Variants in CCDC158 observed in about 807,000 individuals in gnomAD.
The protein encoded by CCDC158 is coiled-coil domain containing 158.
A neutral mutation model predicts 138.6 loss-of-function variants in CCDC158; 116 were observed. The ratio of observed to expected loss-of-function variants is 0.84; its 90% confidence interval spans 0.72 to 0.98. The LOEUF (loss-of-function observed/expected upper bound fraction) is 0.98. Ranked by LOEUF, CCDC158 falls within the 50% of genes least tolerant of loss-of-function variation. The pLI, the probability that CCDC158 is intolerant of heterozygous loss-of-function variation, is 0.00. For synonymous variants in CCDC158, 436 were observed against 442.4 expected, an observed-to-expected ratio of 0.99 and a Z score of 0.18; for missense variants, 1,265 against 1,306.1, an observed-to-expected ratio of 0.97 and a Z score of 0.48.
chr4:76,391,000 T>C (rs965551346), intron 4 of CCDC158, among the ~76,000 whole-genome samples: 2 of 151,782 alleles, frequency 1.3e-5, no homozygotes, highest in Admixed American at 6.6e-5. Flanking sequence ...TTATCAGAAA[T>C]AAAAGAGAGA....
chr4:76,348,669 AG>A (rs1722791054), intron 18 of CCDC158, among the ~76,000 whole-genome samples: 1 of 152,218 alleles, frequency 6.6e-6, no homozygotes, highest in Non-Finnish European at 1.5e-5. Context: ...ATGGAAATCT[AG>A]TACTAAATAC....
At chr4:76,372,793 T>G (rs899935553) in intron 9 of CCDC158, among the ~76,000 whole-genome samples, 5 of 152,200 alleles carry the variant, frequency 3.3e-5, no homozygotes, top group African/African-American at 9.7e-5. Flanking sequence ...TTGATCTGTT[T>G]GAATATGCAT....
intron 24 of CCDC158, among the ~76,000 whole-genome samples, chr4:76,320,521 A>G (rs947851635): frequency 6.6e-6 from 1 of 152,222 alleles, no homozygotes; most frequent in African/African-American, 2.4e-5. Context: ...TGGAGGCATC[A>G]CATTACTTGA....
chr4:76,377,261 T>C (rs1047972125), intron 9 of CCDC158, among the ~76,000 whole-genome samples: 2 of 152,232 alleles, frequency 1.3e-5, no homozygotes, highest in African/African-American at 2.4e-5. Flanking sequence ...TTACCAATCA[T>C]GTAAGAAACC....
At chr4:76,386,165 G>A (rs753999551) in intron 4 of CCDC158, among the ~76,000 whole-genome samples, 10 of 152,108 alleles carry the variant, frequency 6.6e-5, no homozygotes, top group South Asian at 2.1e-4. Flanking sequence ...GCAAGATGGC[G>A]GAATAGAAGC....
intron 3 of CCDC158, among the ~76,000 whole-genome samples, chr4:76,398,770 G>A (rs1326224604): frequency 6.6e-6 from 1 of 151,752 alleles, no homozygotes; most frequent in African/African-American, 2.4e-5. Flanking sequence ...TCTAGAATGG[G>A]GACATTCTAT....
intron 12 of CCDC158, 69 bp from the exon 13 acceptor site, chr4:76,362,384 G>T: frequency 8.6e-7 from 1 of 1,168,134 alleles, no homozygotes; most frequent in Non-Finnish European, 1.2e-6. Flanking sequence ...ATAATTGATA[G>T]CTGCTAACAC....
chr4:76,417,416 G>A (rs1453228766), intron 1 of CCDC158, among the ~76,000 whole-genome samples: 1 of 152,136 alleles, frequency 6.6e-6, no homozygotes, highest in Non-Finnish European at 1.5e-5. Context: ...GGGACTACTG[G>A]TAAGGCATGA....
At position 76,323,399 on chromosome 4, in the gene CCDC158, A is replaced by T. The variant is rs1720224826; in HGVS notation, c.3180T>A (p.Ser1060=). ...TTTTTCCTGTTGTTTCTATTGGCGG[A>T]GACTGTGAATCTATTAGAAAATTGC... ...HSSDSVKDSQ[S]PPIETTGKTC... Residue 1060 remains serine, a synonymous_variant, in exon 24 of 25, where the codon TCT becomes TCA. Coordinates refer to ENST00000682701, the MANE Select transcript of CCDC158 (RefSeq NM_001394954.1). 1.2e-6 allele frequency: 2 copies of T among 1,610,040 alleles called. No homozygotes were observed. The highest frequency in any genetic ancestry group is 1.7e-6 in the Non-Finnish European group (2 of 1,178,108).
chr4:76,364,259 CA>C (rs1196876324), intron 12 of CCDC158, among the ~76,000 whole-genome samples: 1 of 152,186 alleles, frequency 6.6e-6, no homozygotes, highest in African/African-American at 2.4e-5. Flanking sequence ...GCCCAACCTG[CA>C]GGTCTGGACT....
At chr4:76,320,973 C>A (rs549331681) in intron 24 of CCDC158, among the ~76,000 whole-genome samples, 2 of 152,270 alleles carry the variant, frequency 1.3e-5, no homozygotes, top group South Asian at 4.1e-4. Flanking sequence ...AGTAAACAGA[C>A]AACCCACAGA....
At chr4:76,370,512 C>T (rs1251800451) in intron 10 of CCDC158, among the ~76,000 whole-genome samples, 2 of 152,124 alleles carry the variant, frequency 1.3e-5, no homozygotes, top group Non-Finnish European at 2.9e-5. Flanking sequence ...ATCGGAGCTA[C>T]ATTTTAGAGA....
chr4:76,369,332 A>C, intron 11 of CCDC158, 94 bp downstream of exon 11: 1 of 1,216,278 alleles, frequency 8.2e-7, no homozygotes, highest in Non-Finnish European at 1.1e-6. Context: ...TTAGGTCCAT[A>C]TATGTTAAAA....
intron 20 of CCDC158, 120 bp from the exon 21 acceptor site, chr4:76,331,523 A>G (rs1421566001): frequency 1.3e-6 from 1 of 757,982 alleles, no homozygotes; most frequent in African/African-American, 1.7e-5. Context: ...ATCATCTGAC[A>G]GCTGGATAAA....
At chr4:76,415,190 C>T (rs452412) in intron 1 of CCDC158, among the ~76,000 whole-genome samples, 1 of 152,172 alleles carries the variant, frequency 6.6e-6, no homozygotes, top group Non-Finnish European at 1.5e-5. Flanking sequence ...AGCAAAGAGT[C>T]TGGTAGCATT....
intron 24 of CCDC158, among the ~76,000 whole-genome samples, chr4:76,317,413 A>G (rs1719508229): frequency 1.3e-5 from 2 of 152,194 alleles, no homozygotes; most frequent in African/African-American, 4.8e-5. Context: ...ATAAAGGATC[A>G]GTCCAACAGT....
intron 2 of CCDC158, among the ~76,000 whole-genome samples, chr4:76,404,572 A>G (rs1180580604): frequency 1.3e-5 from 2 of 152,218 alleles, no homozygotes; most frequent in Non-Finnish European, 2.9e-5. Flanking sequence ...GAGTTGATTA[A>G]AGTTAGGAAA....
chr4:76,317,783 A>G (rs1232519479), intron 24 of CCDC158, among the ~76,000 whole-genome samples: 1 of 152,218 alleles, frequency 6.6e-6, no homozygotes, highest in African/African-American at 2.4e-5. Context: ...AACAAATTTA[A>G]GAAAAGCAAA....
chr4:76,324,333 A>C (rs1720325570), intron 23 of CCDC158, among the ~76,000 whole-genome samples: 1 of 151,786 alleles, frequency 6.6e-6, no homozygotes, highest in South Asian at 2.1e-4. Flanking sequence ...GATTACAGGC[A>C]TGTGCCACCA....
Sources: allele counts gnomAD v4.1 joint callset (sites outside exome capture counted in the v4.1 genomes callset), GRCh38; gene constraint gnomAD v4.1.1; transcripts MANE v1.5; gene names NCBI Gene and HGNC (gene_info 2026-07-23, HGNC 2026-07-21).